Variants in GTF2E1 observed in about 807,000 individuals in gnomAD.
GTF2E1 encodes the protein TFIIE alpha subunit.
In GTF2E1, 14 loss-of-function variants were observed where a neutral mutation model predicts 34.9. The ratio of observed to expected loss-of-function variants is 0.40; its 90% CI spans 0.27 to 0.63. The LOEUF is 0.63. GTF2E1 is among the 20% of genes least tolerant of loss of function. GTF2E1 has a pLI of 0.39. For synonymous variants in GTF2E1, 188 were observed against 192.9 expected, an observed-to-expected ratio of 0.97 and a Z score of 0.21; for missense variants, 469 against 557.7, an observed-to-expected ratio of 0.84 and a Z score of 1.60.
intron 2 of GTF2E1, among the ~76,000 whole-genome samples, chr3:120,766,931 T>C (rs575513314): frequency 6.6e-6 from 1 of 152,252 alleles, no homozygotes; most frequent in South Asian, 2.1e-4. Flanking sequence ...TTACAATGCG[T>C]AGTGAAATGT....
At chr3:120,763,277 T>C (rs1039712609) in intron 2 of GTF2E1, among the ~76,000 whole-genome samples, 1 of 152,142 alleles carries the variant, frequency 6.6e-6, no homozygotes, top group Non-Finnish European at 1.5e-5. Context: ...TTGCCCTTCT[T>C]CCCCCATATT....
At chr3:120,770,603 T>A (rs569760631) in intron 2 of GTF2E1, 125 bp from the exon 3 acceptor site, 1 of 693,316 alleles carries the variant, frequency 1.4e-6, no homozygotes, top group Non-Finnish European at 2.6e-6. Context: ...GGCTGTTCAC[T>A]GTGAAATTCT....
intron 1 of GTF2E1, among the ~76,000 whole-genome samples, chr3:120,749,408 A>G (rs890434556): frequency 2.8e-4 from 42 of 152,144 alleles, no homozygotes; most frequent in African/African-American, 9.9e-4. Context: ...GATAGCTCTT[A>G]TTATTTTGAG....
chr3:120,774,685 A>G (rs575553094), intron 3 of GTF2E1, among the ~76,000 whole-genome samples: 2 of 152,160 alleles, frequency 1.3e-5, no homozygotes, highest in East Asian at 1.9e-4. Context: ...GAGATGCCTC[A>G]TAGGTCTAGA....
chr3:120,755,694 G>A (rs187673682), intron 2 of GTF2E1, among the ~76,000 whole-genome samples: 1 of 152,040 alleles, frequency 6.6e-6, no homozygotes, highest in African/African-American at 2.4e-5. Flanking sequence ...ACCCTGTTGT[G>A]CTATCAAATA....
intron 2 of GTF2E1, among the ~76,000 whole-genome samples, chr3:120,760,017 A>G (rs1248517093): frequency 6.6e-6 from 1 of 152,130 alleles, no homozygotes; most frequent in Non-Finnish European, 1.5e-5. Flanking sequence ...TGAATCTATA[A>G]ATTACCTTGG....
chr3:120,749,978 ATTAC>A (rs1372398073), intron 1 of GTF2E1: 1 of 152,364 alleles, frequency 6.6e-6, no homozygotes, highest in Non-Finnish European at 1.5e-5. Context: ...GGATCTAAGT[ATTAC>A]TTTCTTTCAG....
At chr3:120,779,545 A>G (rs1709429645) in intron 4 of GTF2E1, among the ~76,000 whole-genome samples, 1 of 152,206 alleles carries the variant, frequency 6.6e-6, no homozygotes, top group Non-Finnish European at 1.5e-5. Flanking sequence ...TCTGCTCAGT[A>G]TCTCATTTTA....
intron 2 of GTF2E1, among the ~76,000 whole-genome samples, chr3:120,756,874 C>T (rs1709214196): frequency 2.0e-5 from 3 of 151,826 alleles, no homozygotes; most frequent in African/African-American, 4.8e-5. Context: ...TGCAGTGAGC[C>T]GAGATCGCAC....
intron 2 of GTF2E1, 60 bp from the exon 3 acceptor site, chr3:120,770,668 G>T (rs1283341885): frequency 2.4e-5 from 27 of 1,127,110 alleles, no homozygotes; most frequent in Non-Finnish European, 3.3e-5. Flanking sequence ...GGGGAGGGTG[G>T]AGGTATAAAC....
intron 4 of GTF2E1, among the ~76,000 whole-genome samples, chr3:120,779,678 G>A (rs1182432114): frequency 6.6e-6 from 1 of 152,158 alleles, no homozygotes; most frequent in Non-Finnish European, 1.5e-5. Context: ...TCTTGATGAC[G>A]ATGATGATAG....
chr3:120,772,410 A>C (rs1032388006), intron 3 of GTF2E1, among the ~76,000 whole-genome samples: 1 of 152,192 alleles, frequency 6.6e-6, no homozygotes, highest in African/African-American at 2.4e-5. Flanking sequence ...AAAGAAAGAA[A>C]GGAGCCACAG....
At chr3:120,772,755 A>G (rs1479164009) in intron 3 of GTF2E1, among the ~76,000 whole-genome samples, 1 of 152,100 alleles carries the variant, frequency 6.6e-6, no homozygotes, top group Non-Finnish European at 1.5e-5. Flanking sequence ...GTTTATCAAG[A>G]TGCTTCCCCA....
intron 4 of GTF2E1, among the ~76,000 whole-genome samples, chr3:120,778,713 C>G (rs1249129036): frequency 6.6e-6 from 1 of 152,100 alleles, no homozygotes; most frequent in African/African-American, 2.4e-5. Context: ...CTGGTTTTTA[C>G]TTGAGATTTT....
At chr3:120,765,473 G>A (rs932255760) in intron 2 of GTF2E1, among the ~76,000 whole-genome samples, 1 of 152,088 alleles carries the variant, frequency 6.6e-6, no homozygotes, top group Non-Finnish European at 1.5e-5. Flanking sequence ...CAATATTTTT[G>A]AAAAGTGGAG....
intron 2 of GTF2E1, among the ~76,000 whole-genome samples, chr3:120,755,102 A>G (rs1709197464): frequency 6.6e-6 from 1 of 152,188 alleles, no homozygotes; most frequent in African/African-American, 2.4e-5. Context: ...GAAGTCTTTG[A>G]TAATTAAGTA....
At chr3:120,758,330 T>A (rs1343633755) in intron 2 of GTF2E1, among the ~76,000 whole-genome samples, 1 of 152,174 alleles carries the variant, frequency 6.6e-6, no homozygotes, top group Non-Finnish European at 1.5e-5. Context: ...TGCTTATCCT[T>A]CCAGTCCTGT....
Position 120,781,444 on chromosome 3 carries a change from C to T in GTF2E1, c.1294C>T (p.Arg432Cys), listed in dbSNP as rs141484912. 7.6e-5 allele frequency: 122 copies of T among 1,613,364 alleles called. No individual in the cohort carries two copies. In the African/African-American group the frequency reaches 1.0e-3, roughly 14 times the overall value. The part of the protein sequence containing the change: ...EKEAYIAMGQ[R>C]MFEDLFE ...GGAAGCATATATAGCAATGGGACAA[C>T]GCATGTTTGAGGACCTCTTTGAGTG... The change falls in exon 5 of 5, where the codon CGC becomes TGC. Residue 432 changes from arginine to cysteine, a missense_variant. Physicochemically the swap from Arg to Cys is radical, Grantham distance 180. Coordinates refer to ENST00000283875, the MANE Select transcript of GTF2E1 (RefSeq NM_005513.3).
At chr3:120,768,583 A>G (rs1709327563) in intron 2 of GTF2E1, among the ~76,000 whole-genome samples, 1 of 152,206 alleles carries the variant, frequency 6.6e-6, no homozygotes, top group Admixed American at 6.5e-5. Flanking sequence ...CTTCCAAACT[A>G]TTCTTAGTTC....
Sources: allele counts gnomAD v4.1 joint callset (sites outside exome capture counted in the v4.1 genomes callset), GRCh38; gene constraint gnomAD v4.1.1; transcripts MANE v1.5; gene names NCBI Gene and HGNC (gene_info 2026-07-23, HGNC 2026-07-21).